Variants in TMEM131L observed in about 807,000 individuals in gnomAD.
TMEM131L encodes transmembrane 131 like.
Under a neutral mutation model 192.2 loss-of-function variants are expected in TMEM131L, and 54 were observed. The ratio of observed to expected loss-of-function variants is 0.28; its 90% confidence interval spans 0.23 to 0.35. TMEM131L has a LOEUF of 0.35. Ranked by LOEUF, TMEM131L falls within the 10% of genes least tolerant of loss-of-function variation. The pLI is 1.00. For missense variants in TMEM131L, 1,888 were observed against 1,972.9 expected, an observed-to-expected ratio of 0.96 and a Z score of 0.82; for synonymous variants, 701 against 704.9, an observed-to-expected ratio of 0.99 and a Z score of 0.09.
intron 4 of TMEM131L, among the ~76,000 whole-genome samples, chr4:153,553,368 C>A (rs548081984): frequency 2.0e-5 from 3 of 151,650 alleles, no homozygotes; most frequent in Non-Finnish European, 4.4e-5. Context: ...TAGAATAAAT[C>A]TTCTGATTTC....
intron 21 of TMEM131L, among the ~76,000 whole-genome samples, chr4:153,600,559 A>G (rs1391071930): frequency 6.6e-6 from 1 of 152,204 alleles, no homozygotes; most frequent in African/African-American, 2.4e-5. Context: ...CCTTTAAACT[A>G]CTTATGTTAG....
chr4:153,519,850 A>G (rs1162891493), intron 3 of TMEM131L, among the ~76,000 whole-genome samples: 2 of 152,196 alleles, frequency 1.3e-5, no homozygotes, highest in African/African-American at 4.8e-5. Context: ...AAGAAACGGG[A>G]TTAGATACTG....
chr4:153,498,075 T>C (rs1012639068), intron 3 of TMEM131L, among the ~76,000 whole-genome samples: 1 of 152,194 alleles, frequency 6.6e-6, no homozygotes, highest in Non-Finnish European at 1.5e-5. Flanking sequence ...GCACAGCTCC[T>C]GTTCAGCCTG....
chr4:153,553,734 C>T (rs960877892), intron 4 of TMEM131L, among the ~76,000 whole-genome samples: 2 of 152,122 alleles, frequency 1.3e-5, no homozygotes, highest in African/African-American at 4.8e-5. Context: ...TGCCTTCTGC[C>T]TACTTCTTAG....
At chr4:153,497,878 C>CAAAA (rs200874155) in intron 3 of TMEM131L, among the ~76,000 whole-genome samples, 28 of 70,320 alleles carry the variant, frequency 4.0e-4, no homozygotes, top group South Asian at 1.5e-3. Context: ...GAAAAATTTC[C>CAAAA]AAAAAAAAAA....
chr4:153,550,017 C>G lies in TMEM131L; in HGVS notation c.240-56C>G, dbSNP rs574229717. The stretch of plus-strand genomic sequence containing the variant: ...AGTCATTAGTCTAAGTACGTTATAT[C>G]TCAGCATTTAAATGTTAAAACTACA... On this transcript the variant is annotated intron_variant, in intron 3 of 34. Coordinates refer to ENST00000409959, the MANE Select transcript of TMEM131L (RefSeq NM_001131007.2). 1.2e-5 allele frequency: 10 copies of G among 830,898 alleles called. No individual in the cohort carries two copies. The South Asian group carries it at 1.5e-4, about 12-fold the overall frequency. 51.5% of individuals were successfully genotyped at this position (830,898 alleles called of 1,614,324 possible). A position where few individuals can be genotyped will look rare whatever the true frequency, so the allele number is the denominator to read the frequency against.
At chr4:153,542,511 G>A (rs1378236634) in intron 3 of TMEM131L, among the ~76,000 whole-genome samples, 2 of 152,164 alleles carry the variant, frequency 1.3e-5, no homozygotes, top group Admixed American at 6.5e-5. Flanking sequence ...GGTGCGCTTC[G>A]GCAAGTTGTT....
chr4:153,538,917 C>T (rs1354180954), intron 3 of TMEM131L, among the ~76,000 whole-genome samples: 1 of 146,370 alleles, frequency 6.8e-6, no homozygotes, highest in African/African-American at 2.5e-5. Context: ...AAACTGCCGG[C>T]GCGATACTTC....
chr4:153,564,955 C>T (rs776151067), intron 7 of TMEM131L, among the ~76,000 whole-genome samples: 10 of 152,198 alleles, frequency 6.6e-5, no homozygotes, highest in Non-Finnish European at 1.3e-4. Context: ...TCATCATTCC[C>T]GGAACATGCC....
chr4:153,555,613 T>C lies in TMEM131L; in HGVS notation c.309-174T>C, dbSNP rs924917440. Among the ~76,000 whole-genome samples the C allele has an allele frequency of 1.3e-5, 2 of 152,190 alleles. No individual in the cohort carries two copies. The highest frequency in any genetic ancestry group is 1.3e-4 in the Admixed American group (2 of 15,286). On this transcript the variant is annotated intron_variant, in intron 4 of 34. Transcript: ENST00000409959. The surrounding 1 kb of genome is among the most constrained non-coding windows in gnomAD (Gnocchi z 4.1). ...TTTTTTGTTTTATGACTTTTGACTGTTGTGAATTGAATGCTTTATTACCAA... is the reference window on the plus strand; with the variant it reads ...TTTTTTGTTTTATGACTTTTGACTGCTGTGAATTGAATGCTTTATTACCAA...
chr4:153,499,071 T>A (rs2149971215), intron 3 of TMEM131L, among the ~76,000 whole-genome samples: 1 of 152,376 alleles, frequency 6.6e-6, no homozygotes. Context: ...GGACAGCCTG[T>A]CATTTTCCAA....
At chr4:153,493,508 A>G (rs1732948069) in intron 3 of TMEM131L, among the ~76,000 whole-genome samples, 1 of 151,804 alleles carries the variant, frequency 6.6e-6, no homozygotes, top group Non-Finnish European at 1.5e-5. Context: ...AAAATACAAA[A>G]AATTAGCCGG....
At chr4:153,623,412 A>G (rs73856938) in intron 29 of TMEM131L, among the ~76,000 whole-genome samples, 25,921 of 152,140 alleles carry the variant, frequency 0.17, 6,304 homozygotes, top group African/African-American at 0.54. Context: ...CTATGGCACT[A>G]AGTGCATCAC....
At position 153,524,089 on chromosome 4, in the gene TMEM131L, C is replaced by T. The variant is rs893399608; in HGVS notation, c.240-25984C>T. Among the ~76,000 whole-genome samples, 19 of 151,184 alleles carry T rather than the reference C, an allele frequency of 1.3e-4. No individual in the cohort carries two copies. The East Asian group carries it at 3.1e-3, about 25-fold the overall frequency. ...CTGGCTGAGAACTGATTTACCAGCACGTCTCACTTTAGGTTTTCTGTCTTT... is the reference window on the plus strand; with the variant it reads ...CTGGCTGAGAACTGATTTACCAGCATGTCTCACTTTAGGTTTTCTGTCTTT... On this transcript the variant is annotated intron_variant, in intron 3 of 34. Coordinates refer to ENST00000409959, the MANE Select transcript of TMEM131L (RefSeq NM_001131007.2).
At chr4:153,604,659 T>C (rs1257469633) in intron 25 of TMEM131L, among the ~76,000 whole-genome samples, 1 of 152,200 alleles carries the variant, frequency 6.6e-6, no homozygotes, top group Non-Finnish European at 1.5e-5. Flanking sequence ...AGACTATGAA[T>C]ATCATATTTT....
At chr4:153,589,645 A>G (rs556705035) in intron 16 of TMEM131L, among the ~76,000 whole-genome samples, 5 of 152,364 alleles carry the variant, frequency 3.3e-5, no homozygotes, top group East Asian at 3.9e-4. Context: ...GCAAAACTGC[A>G]TAAGGGCCAA....
At chr4:153,630,388 A>G (rs1369985908) in intron 31 of TMEM131L, among the ~76,000 whole-genome samples, 3 of 152,222 alleles carry the variant, frequency 2.0e-5, no homozygotes, top group Non-Finnish European at 4.4e-5. Flanking sequence ...CCCACAGACC[A>G]CCAGGGTCTA....
At chr4:153,585,056 C>T in intron 12 of TMEM131L, 125 bp downstream of exon 12, 1 of 738,998 alleles carries the variant, frequency 1.4e-6, no homozygotes, top group East Asian at 2.7e-5. Context: ...CTTGCCTCCC[C>T]TTGCCTTAGC....
At chr4:153,482,943 G>T (rs1051486079) in intron 3 of TMEM131L, among the ~76,000 whole-genome samples, 1 of 151,920 alleles carries the variant, frequency 6.6e-6, no homozygotes, top group East Asian at 1.9e-4. Flanking sequence ...AAGCACCAGG[G>T]TGATTAGGTT....
Sources: allele counts gnomAD v4.1 joint callset (sites outside exome capture counted in the v4.1 genomes callset), GRCh38; gene constraint gnomAD v4.1.1; non-coding constraint Gnocchi (gnomAD v3.1); transcripts MANE v1.5; gene names NCBI Gene and HGNC (gene_info 2026-07-23, HGNC 2026-07-21).